Variants in LOC114841035 observed in about 807,000 individuals in gnomAD.
the LOC114841035 span, chr11:64,243,078 A>C: frequency 2.4e-6 from 2 of 842,850 alleles, no homozygotes; most frequent in Admixed American, 2.1e-5. Context: ...AAAAAACAAA[A>C]AGGACTGACC....
At chr11:64,244,119 A>T in the LOC114841035 span, 1 of 1,434,768 alleles carries the variant, frequency 7.0e-7, no homozygotes, top group Non-Finnish European at 9.6e-7. Context: ...ACAAAAAAAC[A>T]CTTAAAAGCC....
chr11:64,242,449 C>A, the LOC114841035 span: 2 of 1,548,882 alleles, frequency 1.3e-6, no homozygotes, highest in South Asian at 2.4e-5. Flanking sequence ...GCCGTGGCCA[C>A]GGCCACGGGG....
chr11:64,242,171 C>T, the LOC114841035 span: 1 of 485,568 alleles, frequency 2.1e-6, no homozygotes, highest in Non-Finnish European at 3.6e-6. Context: ...CCCCCTCCCC[C>T]CGCTGCTGGG....
the LOC114841035 span, chr11:64,242,398 G>T: frequency 6.5e-7 from 1 of 1,540,938 alleles, no homozygotes. Flanking sequence ...ATGAGGCTGA[G>T]CTGGTTCCGG....
the LOC114841035 span, chr11:64,243,598 A>G: frequency 1.4e-6 from 2 of 1,426,732 alleles, no homozygotes; most frequent in Non-Finnish European, 2.0e-6. Flanking sequence ...GTATCCATTC[A>G]TTACAATACA....
the LOC114841035 span, chr11:64,242,183 T>C: frequency 2.1e-6 from 1 of 484,320 alleles, no homozygotes; most frequent in Non-Finnish European, 3.6e-6. Flanking sequence ...GCTGCTGGGG[T>C]CCTCGGCCAA....
the LOC114841035 span, chr11:64,242,064 CAGGCGGGAACTGAAGAGCGG>C: frequency 3.8e-6 from 1 of 264,966 alleles, no homozygotes; most frequent in Non-Finnish European, 7.2e-6. Flanking sequence ...CGTAAAGGGA[CAGGCGGGAACTGAAGAGCGG>C]AGGTGGGGAC....
the LOC114841035 span, chr11:64,242,577 C>A: frequency 6.6e-7 from 1 of 1,526,218 alleles, no homozygotes; most frequent in Non-Finnish European, 8.7e-7. Context: ...GTTGGGCGGG[C>A]CTTTTGGGAG....
the LOC114841035 span, chr11:64,242,316 T>A: frequency 7.2e-7 from 1 of 1,391,726 alleles, no homozygotes; most frequent in Non-Finnish European, 9.5e-7. Context: ...TCCTGTTACC[T>A]ACCCGTGTTC....
At chr11:64,243,947 G>A in the LOC114841035 span, 1 of 1,614,038 alleles carries the variant, frequency 6.2e-7, no homozygotes, top group Non-Finnish European at 8.5e-7. Flanking sequence ...TTGGCATTTT[G>A]ACTCCCCTTC....
the LOC114841035 span, chr11:64,242,427 A>G: frequency 5.8e-6 from 9 of 1,555,502 alleles, no homozygotes; most frequent in African/African-American, 1.4e-5. Flanking sequence ...AGTACTGTCC[A>G]TCTGCCTGAG....
chr11:64,244,094 AAAAAAC>A, the LOC114841035 span: 1 of 1,544,154 alleles, frequency 6.5e-7, no homozygotes, highest in Non-Finnish European at 8.9e-7. Flanking sequence ...AAAAAAAAAC[AAAAAAC>A]AAAAACAAAC....
chr11:64,243,067 C>T, the LOC114841035 span: 1 of 753,380 alleles, frequency 1.3e-6, no homozygotes, highest in Middle Eastern at 3.8e-4. Flanking sequence ...GACTCCATCT[C>T]AAAAAACAAA....
At chr11:64,244,129 C>T in the LOC114841035 span, 3 of 1,337,212 alleles carry the variant, frequency 2.2e-6, no homozygotes, top group Non-Finnish European at 2.1e-6. Flanking sequence ...ACTTAAAAGC[C>T]CAAGGAGTAA....
the LOC114841035 span, chr11:64,243,909 C>T: frequency 3.7e-6 from 6 of 1,614,076 alleles, no homozygotes; most frequent in East Asian, 2.2e-5. Context: ...CCATCACCTG[C>T]AGCCAGCCCA....
the LOC114841035 span, chr11:64,243,109 T>TG: frequency 1.1e-4 from 123 of 1,100,776 alleles, no homozygotes; most frequent in African/African-American, 2.4e-4. Context: ...TGGGTGGGCG[T>TG]GGGGGGGCAG....
chr11:64,242,414 G>C, the LOC114841035 span: 19 of 1,554,738 alleles, frequency 1.2e-5, no homozygotes, highest in African/African-American at 2.7e-4. Flanking sequence ...TCCGGGTCCT[G>C]ACAGTACTGT....
chr11:64,243,940 G>C, the LOC114841035 span: 1 of 1,614,030 alleles, frequency 6.2e-7, no homozygotes, highest in East Asian at 2.2e-5. Flanking sequence ...GCCCTGGTTG[G>C]CATTTTGACT....
the LOC114841035 span, chr11:64,242,408 G>C: frequency 6.5e-7 from 1 of 1,548,180 alleles, no homozygotes; most frequent in South Asian, 1.2e-5. Context: ...GCTGGTTCCG[G>C]GTCCTGACAG....
Sources: gnomAD v4.1 joint callset for allele counts on GRCh38, gnomAD v4.1.1 for gene constraint, MANE v1.5 for transcripts.